Variants in TLE4 observed in about 807,000 individuals in gnomAD.
The protein encoded by TLE4 is transducin-like enhancer protein 4.
TLE4 carries 8 observed loss-of-function variants against 92.8 expected under a neutral mutation model. The ratio of observed to expected loss-of-function variants is 0.09; its 90% confidence interval spans 0.05 to 0.16. The LOEUF is 0.16. Among genes scored for constraint, TLE4 ranks in the 10% least tolerant of loss-of-function variants. The pLI is 1.00. For synonymous variants in TLE4, 371 were observed against 374.1 expected, an observed-to-expected ratio of 0.99 and a Z score of 0.10; for missense variants, 675 against 997.6, an observed-to-expected ratio of 0.68 and a Z score of 4.36.
At chr9:79,646,776 G>T (rs981039955) in intron 6 of TLE4, among the ~76,000 whole-genome samples, 15 of 152,068 alleles carry the variant, frequency 9.9e-5, no homozygotes, top group African/African-American at 3.6e-4. Flanking sequence ...GCCTTTTGGT[G>T]ACTTAATTTC....
At chr9:79,578,735 C>A (rs999681510) in intron 4 of TLE4, among the ~76,000 whole-genome samples, 68 of 151,884 alleles carry the variant, frequency 4.5e-4, no homozygotes, top group African/African-American at 1.6e-3. Context: ...ATTAAGCCTG[C>A]ATAATGTTGC....
chr9:79,725,339 C>A lies in TLE4; in HGVS notation c.*195C>A. 1 of 466,080 alleles carries A rather than the reference C, an allele frequency of 2.1e-6. No homozygotes were observed. Among genetic ancestry groups the A allele is most frequent in the Non-Finnish European group, 3.9e-6 (1 of 257,974 alleles). 28.9% of individuals were successfully genotyped at this position (466,080 alleles called of 1,614,324 possible). A position where few individuals can be genotyped will look rare whatever the true frequency, so the allele number is the denominator to read the frequency against. On this transcript the variant is annotated 3_prime_UTR_variant, in exon 20 of 20. Coordinates refer to ENST00000376552, the MANE Select transcript of TLE4 (RefSeq NM_007005.6). ...GAATAGTCATTAAAAACCTGTGATACCAAATCTTCAGCTGTCTACTTGGAA... is the reference window on the plus strand; with the variant it reads ...GAATAGTCATTAAAAACCTGTGATAACAAATCTTCAGCTGTCTACTTGGAA...
intron 6 of TLE4, among the ~76,000 whole-genome samples, chr9:79,646,427 C>T (rs551253805): frequency 6.6e-6 from 1 of 152,240 alleles, no homozygotes; most frequent in East Asian, 1.9e-4. Flanking sequence ...CCAGGGAATC[C>T]TGAGTTCCTC....
chr9:79,697,759 G>C (rs1044948048), intron 8 of TLE4, among the ~76,000 whole-genome samples: 1 of 151,980 alleles, frequency 6.6e-6, no homozygotes, highest in African/African-American at 2.4e-5. Flanking sequence ...ACATAATGCT[G>C]AGGCCATGAA....
intron 1 of TLE4, 161 bp from the exon 2 acceptor site, chr9:79,573,528 C>A: frequency 1.2e-6 from 1 of 814,588 alleles, no homozygotes; most frequent in Non-Finnish European, 1.7e-6. Flanking sequence ...TCTGCCTGGG[C>A]TGTTGGGCGC....
At chr9:79,661,117 G>T (rs1443160300) in intron 8 of TLE4, among the ~76,000 whole-genome samples, 1 of 152,032 alleles carries the variant, frequency 6.6e-6, no homozygotes, top group Non-Finnish European at 1.5e-5. Flanking sequence ...AAATTTAGAG[G>T]GGCCTAAGAT....
At chr9:79,626,411 C>T (rs1005577851) in intron 5 of TLE4, among the ~76,000 whole-genome samples, 4 of 152,158 alleles carry the variant, frequency 2.6e-5, no homozygotes, top group African/African-American at 4.8e-5. Flanking sequence ...ACTTGTTTCA[C>T]GGCGCAGTTC....
chr9:79,723,161 G>A (rs1394302651), intron 19 of TLE4, 126 bp downstream of exon 19: 1 of 847,036 alleles, frequency 1.2e-6, no homozygotes. Flanking sequence ...ATTGTACAGA[G>A]AAGGAAACTG....
At chr9:79,657,097 C>G (rs1314917941) in intron 8 of TLE4, among the ~76,000 whole-genome samples, 1 of 152,142 alleles carries the variant, frequency 6.6e-6, no homozygotes, top group Non-Finnish European at 1.5e-5. Context: ...GAATCAGTTT[C>G]CTTGATGATG....
intron 6 of TLE4, among the ~76,000 whole-genome samples, chr9:79,646,221 G>A (rs1205125149): frequency 1.3e-5 from 2 of 152,050 alleles, no homozygotes; most frequent in South Asian, 4.1e-4. Context: ...TTCTTAGTGG[G>A]ACTGTAAGAT....
intron 14 of TLE4, 93 bp downstream of exon 14, chr9:79,709,792 G>A: frequency 9.9e-7 from 1 of 1,009,792 alleles, no homozygotes; most frequent in East Asian, 2.6e-5. Context: ...CAGTGTTGGG[G>A]GAGTTCCCAT....
chr9:79,719,037 A>G, intron 15 of TLE4, 66 bp downstream of exon 15: 1 of 1,554,270 alleles, frequency 6.4e-7, no homozygotes, highest in Non-Finnish European at 8.7e-7. Flanking sequence ...TGATGAGAGA[A>G]CTGTATGTAT....
chr9:79,602,861 A>G (rs1336482800), intron 4 of TLE4, among the ~76,000 whole-genome samples: 1 of 152,170 alleles, frequency 6.6e-6, no homozygotes, highest in African/African-American at 2.4e-5. Context: ...CCTTCTGGAA[A>G]GGATTAGCCA....
chr9:79,642,413 C>T (rs1005613881), intron 6 of TLE4, among the ~76,000 whole-genome samples: 1 of 151,460 alleles, frequency 6.6e-6, no homozygotes, highest in Non-Finnish European at 1.5e-5. Context: ...ATATATGCCA[C>T]TCTGCTTGGC....
In TLE4 at chr9:79,581,191, G is replaced by T. The variant is rs182923984; in HGVS notation, c.252+5014G>T. ...TTACTCCTGTTTAGTAAATCTAAAT[G>T]AGTGTAGGTTTTAAATTAGATTTTT... On this transcript the variant is annotated intron_variant, in intron 4 of 19. Transcript: ENST00000376552. Among the ~76,000 whole-genome samples the T allele has an allele frequency of 2.5e-4, 38 of 152,276 alleles. No homozygotes were observed. The East Asian group carries it at 7.3e-3, about 29-fold the overall frequency.
chr9:79,696,516 C>T (rs1416073446), intron 8 of TLE4, among the ~76,000 whole-genome samples: 1 of 151,890 alleles, frequency 6.6e-6, no homozygotes, highest in East Asian at 1.9e-4. Flanking sequence ...TTTCTTTGTT[C>T]CTGTTGTATT....
At chr9:79,634,770 T>C (rs2055267907) in intron 6 of TLE4, among the ~76,000 whole-genome samples, 1 of 152,202 alleles carries the variant, frequency 6.6e-6, no homozygotes, top group African/African-American at 2.4e-5. Flanking sequence ...AGGTTTCTTC[T>C]TTTACTTAGC....
intron 4 of TLE4, among the ~76,000 whole-genome samples, chr9:79,577,312 A>G (rs540553476): frequency 1.3e-5 from 2 of 152,314 alleles, no homozygotes; most frequent in Non-Finnish European, 2.9e-5. Flanking sequence ...TGGCTGTTAG[A>G]CAATAAGGCA....
chr9:79,653,988 A>G (rs1376051245), intron 7 of TLE4, 71 bp from the exon 8 acceptor site: 5 of 1,526,212 alleles, frequency 3.3e-6, no homozygotes, highest in Non-Finnish European at 4.5e-6. Flanking sequence ...ATTTTATGTA[A>G]ACTAACTAGT....
Sources: gnomAD v4.1 joint callset for allele counts (sites outside exome capture counted in the v4.1 genomes callset) on GRCh38, gnomAD v4.1.1 for gene constraint, MANE v1.5 for transcripts, NCBI Gene and HGNC (gene_info 2026-07-23, HGNC 2026-07-21) for gene names.